ZMYM4: variants seen among roughly 807,000 people sequenced by gnomAD.
The protein encoded by ZMYM4 is zinc finger MYM-type protein 4.
Under a neutral mutation model 183.2 loss-of-function variants are expected in ZMYM4, and 31 were observed. That is an observed-to-expected ratio of 0.17 (90% CI 0.13 to 0.23). ZMYM4 has a LOEUF of 0.23. Among genes scored for constraint, ZMYM4 ranks in the 10% least tolerant of loss-of-function variants. ZMYM4 has a pLI of 1.00. For synonymous variants in ZMYM4, 592 were observed against 631.2 expected (o/e 0.94, Z 0.93); for missense variants, 1,273 against 1,840.3 (o/e 0.69, Z 5.64).
chr1:35,276,092 G>A (rs1329578496), intron 1 of ZMYM4, among the ~76,000 whole-genome samples: 4 of 152,022 alleles, frequency 2.6e-5, no homozygotes, highest in African/African-American at 9.7e-5. Context: ...AGTTCTTTGA[G>A]AACCCAGCAC....
At chr1:35,382,910 A>G (rs1300592369) in intron 9 of ZMYM4, among the ~76,000 whole-genome samples, 1 of 152,160 alleles carries the variant, frequency 6.6e-6, no homozygotes, top group Non-Finnish European at 1.5e-5. Context: ...TTGCATATAT[A>G]CTTCTTATTT....
chr1:35,308,625 C>T lies in ZMYM4; in HGVS notation c.40-16735C>T, dbSNP rs1299116563. ...CTGTAATCCCAGCTCTTTCGGAGGC[C>T]AAGAGGGATGAAATCACTTGAGCTC... On this transcript the variant is annotated intron_variant, in intron 1 of 29. Coordinates refer to ENST00000314607, the MANE Select transcript of ZMYM4 (RefSeq NM_005095.3). Among the ~76,000 whole-genome samples, 5 of 152,064 alleles carry T rather than the reference C, an allele frequency of 3.3e-5. No individual in the cohort carries two copies. The East Asian group carries it at 9.7e-4, about 29-fold the overall frequency.
At chr1:35,362,680 C>T (rs1188500) in intron 5 of ZMYM4, among the ~76,000 whole-genome samples, 3,728 of 151,950 alleles carry the variant, frequency 0.025, 143 homozygotes, top group African/African-American at 0.081. Flanking sequence ...GAAGTGCTTT[C>T]TTTTTCTTTT....
intron 1 of ZMYM4, among the ~76,000 whole-genome samples, chr1:35,312,226 G>A (rs1293117582): frequency 6.6e-6 from 1 of 152,054 alleles, no homozygotes; most frequent in East Asian, 1.9e-4. Flanking sequence ...TTTGACGTTT[G>A]CTTAGCTTCT....
chr1:35,414,410 T>C (rs1287821885), intron 27 of ZMYM4, among the ~76,000 whole-genome samples: 1 of 152,236 alleles, frequency 6.6e-6, no homozygotes. Flanking sequence ...TGGTAGTTTG[T>C]ATGTATACTG....
At chr1:35,310,754 T>G (rs1348579251) in intron 1 of ZMYM4, among the ~76,000 whole-genome samples, 1 of 152,030 alleles carries the variant, frequency 6.6e-6, no homozygotes, top group African/African-American at 2.4e-5. Flanking sequence ...AATTTTATAT[T>G]TTTAGTAGAG....
At chr1:35,283,246 C>T (rs1355200981) in intron 1 of ZMYM4, among the ~76,000 whole-genome samples, 1 of 148,910 alleles carries the variant, frequency 6.7e-6, no homozygotes, top group Non-Finnish European at 1.5e-5. Context: ...AACTCCTGAC[C>T]TCAAGCGATC....
rs144973891 is a variant in ZMYM4, at chr1:35,387,241, G to A, written c.2075G>A (p.Arg692His). Residue 692 changes from arginine (R) to histidine (H), a missense_variant, in exon 12 of 30, where the codon CGT (arginine) becomes CAT (histidine). Transcript: ENST00000314607. ...VVKLKCQHCN[R>H]LFATKPELLD... Reference sequence around the variant, plus strand: ...AAACTCAAATGTCAACACTGTAACCGTCTTTTTGCCACAAAACCAGAACTT... The same window carrying A: ...AAACTCAAATGTCAACACTGTAACCATCTTTTTGCCACAAAACCAGAACTT... The A allele has an allele frequency of 1.1e-5, 17 of 1,614,096 alleles. No individual in the cohort carries two copies. The highest frequency in any genetic ancestry group is 6.7e-5 in the Admixed American group (4 of 60,014).
chr1:35,392,033 T>A (rs1358255417), intron 15 of ZMYM4, among the ~76,000 whole-genome samples, 179 bp from the exon 16 acceptor site: 1 of 151,502 alleles, frequency 6.6e-6, no homozygotes, highest in African/African-American at 2.4e-5. Flanking sequence ...AGAGTGAGAC[T>A]CTGTCTCAAA....
chr1:35,286,603 T>G (rs1355794561), intron 1 of ZMYM4, among the ~76,000 whole-genome samples: 1 of 148,068 alleles, frequency 6.8e-6, no homozygotes, highest in Non-Finnish European at 1.5e-5. Flanking sequence ...TATTTTTTTT[T>G]TTTTTTTTTT....
At chr1:35,347,851 TTCTGCTTACAAAA>T (rs996627694) in intron 2 of ZMYM4, among the ~76,000 whole-genome samples, 1 of 152,230 alleles carries the variant, frequency 6.6e-6, no homozygotes, top group Non-Finnish European at 1.5e-5. Context: ...TATTATGTTA[TTCTGCTTACAAAA>T]GTAATATGCT....
intron 2 of ZMYM4, among the ~76,000 whole-genome samples, chr1:35,332,359 A>G (rs925799922): frequency 6.6e-6 from 1 of 151,738 alleles, no homozygotes; most frequent in Non-Finnish European, 1.5e-5. Context: ...TATTAAGCTC[A>G]AGGATTCAAT....
chr1:35,418,389 T>C, intron 28 of ZMYM4, 54 bp from the exon 29 acceptor site: 2 of 1,585,672 alleles, frequency 1.3e-6, no homozygotes, highest in Non-Finnish European at 1.7e-6. Context: ...GTCTTGAGAC[T>C]CAAAGAATAG....
chr1:35,276,694 G>A (rs987295019), intron 1 of ZMYM4, among the ~76,000 whole-genome samples: 3 of 151,810 alleles, frequency 2.0e-5, no homozygotes, highest in Non-Finnish European at 2.9e-5. Context: ...TGCATCGTCC[G>A]TCTCCTGGGT....
chr1:35,318,310 G>A (rs1166522505), intron 1 of ZMYM4, among the ~76,000 whole-genome samples: 1 of 152,030 alleles, frequency 6.6e-6, no homozygotes, highest in East Asian at 1.9e-4. Context: ...CACCCACCTT[G>A]GCCTCCCAAA....
intron 28 of ZMYM4, among the ~76,000 whole-genome samples, chr1:35,418,234 A>G (rs1161231508): frequency 6.6e-6 from 1 of 152,100 alleles, no homozygotes; most frequent in Non-Finnish European, 1.5e-5. Flanking sequence ...AATTCATGGG[A>G]TAGGGACTTT....
At chr1:35,282,277 C>G (rs911673429) in intron 1 of ZMYM4, among the ~76,000 whole-genome samples, 1 of 152,176 alleles carries the variant, frequency 6.6e-6, no homozygotes, top group African/African-American at 2.4e-5. Flanking sequence ...TGAGTTGTTA[C>G]AAGCAAGGTT....
chr1:35,397,558 T>C lies in ZMYM4; in HGVS notation c.3199+13T>C. ...CTATCTCAGGGAGGTTGGTATACTC[T>C]TTAAAAGTAAAGAAAGAAAAAACAC... On this transcript the variant is annotated intron_variant, in intron 20 of 29. Coordinates refer to ENST00000314607, the MANE Select transcript of ZMYM4 (RefSeq NM_005095.3). 1 of 1,572,268 alleles carries C rather than the reference T, an allele frequency of 6.4e-7. No individual in the cohort carries two copies. Among genetic ancestry groups the C allele is most frequent in the Non-Finnish European group, 8.6e-7 (1 of 1,165,152 alleles).
intron 1 of ZMYM4, among the ~76,000 whole-genome samples, chr1:35,299,530 A>G (rs2138086): frequency 0.095 from 14,443 of 152,206 alleles, 1,864 homozygotes; most frequent in African/African-American, 0.29. Flanking sequence ...GTGGCCCCCA[A>G]TGAGAGGCTG....
Sources: gnomAD v4.1 joint callset for allele counts (sites outside exome capture counted in the v4.1 genomes callset) on GRCh38, gnomAD v4.1.1 for gene constraint, MANE v1.5 for transcripts, NCBI Gene and HGNC (gene_info 2026-07-23, HGNC 2026-07-21) for gene names.